KCNU1: variants seen among roughly 807,000 people sequenced by gnomAD.
The protein encoded by KCNU1 is potassium calcium-activated channel subfamily U member 1.
KCNU1 carries 93 observed loss-of-function variants against 126.8 expected under a neutral mutation model. The observed-to-expected ratio is 0.73, with a 90% CI of 0.62 to 0.87. KCNU1 has a LOEUF of 0.87. Among genes scored for constraint, KCNU1 ranks in the 40% least tolerant of loss-of-function variants. The pLI is 0.00. For missense variants in KCNU1, 1,330 were observed against 1,367.1 expected (o/e 0.97, Z 0.43); for synonymous variants, 523 against 494.2 (o/e 1.06, Z -0.77).
chr8:36,790,403 G>T (rs1233699661), intron 2 of KCNU1, among the ~76,000 whole-genome samples: 1 of 150,162 alleles, frequency 6.7e-6, no homozygotes, highest in Non-Finnish European at 1.5e-5. Flanking sequence ...AAGATAGTTA[G>T]AAATTAATGA....
intron 19 of KCNU1, among the ~76,000 whole-genome samples, chr8:36,881,725 C>G (rs1806485476): frequency 6.6e-6 from 1 of 151,690 alleles, no homozygotes; most frequent in Admixed American, 6.6e-5. Flanking sequence ...CACTTAATTT[C>G]TCTTCATCAT....
chr8:36,884,963 G>A (rs1306783210), intron 19 of KCNU1, among the ~76,000 whole-genome samples: 1 of 152,152 alleles, frequency 6.6e-6, no homozygotes, highest in Non-Finnish European at 1.5e-5. Context: ...ACTTTTCTTG[G>A]CCCATCAGTG....
intron 19 of KCNU1, among the ~76,000 whole-genome samples, chr8:36,901,499 T>C (rs558288446): frequency 6.6e-6 from 1 of 152,204 alleles, no homozygotes; most frequent in Admixed American, 6.5e-5. Context: ...AGGCAACACG[T>C]TCTGCTCATG....
chr8:36,903,302 T>C lies in KCNU1; in HGVS notation c.2010-2406T>C, dbSNP rs148967595. ...TTATGTTGAGGTCTGAGTTTGGGGG[T>C]GAGGCATTGAATAATAAACTGTATT... On this transcript the variant is annotated intron_variant, in intron 19 of 26. Transcript: ENST00000399881. Among the ~76,000 whole-genome samples, 242 of 152,170 alleles carry C rather than the reference T, an allele frequency of 1.6e-3. 1 individual carries two copies. Among genetic ancestry groups the C allele is most frequent in the African/African-American group, 5.2e-3 (215 of 41,524 alleles).
In KCNU1 at chr8:36,871,974, T is replaced by TAAG. The variant is rs765536426; in HGVS notation, c.2009+7453_2009+7454insAAG. On this transcript the variant is annotated intron_variant, in intron 19 of 26. Transcript: ENST00000399881. The stretch of plus-strand genomic sequence containing the variant: ...AAGGTTATGCGAAGCTTAGTCACTG[T>TAAG]TTCTAAGTAAAACTCTCTTCAAGGC... Among the ~76,000 whole-genome samples, 503 of 152,298 alleles carry TAAG rather than the reference T, an allele frequency of 3.3e-3. 4 individuals are homozygous for TAAG. Among genetic ancestry groups the TAAG allele is most frequent in the Non-Finnish European group, 6.1e-3 (412 of 68,028 alleles).
chr8:36,916,464 G>A (rs1585561028), intron 22 of KCNU1, among the ~76,000 whole-genome samples: 1 of 150,954 alleles, frequency 6.6e-6, no homozygotes, highest in South Asian at 2.1e-4. Flanking sequence ...AGGAGGGAAG[G>A]GAATAGAAGA....
chr8:36,836,773 T>C lies in KCNU1; in HGVS notation c.1366-20T>C. ...GTGTGTTTATTCCTAATGTTTGACC[T>C]GCTTTGTGCTATGGAACAGGTTTAT... is the stretch of plus-strand genomic sequence containing the variant. On this transcript the variant is annotated intron_variant, in intron 13 of 26. Coordinates refer to ENST00000399881, the MANE Select transcript of KCNU1 (RefSeq NM_001031836.3). 1 of 1,612,288 alleles carries C rather than the reference T, an allele frequency of 6.2e-7. No individual in the cohort carries two copies.
intron 18 of KCNU1, among the ~76,000 whole-genome samples, chr8:36,850,107 T>C (rs1307653298): frequency 1.3e-5 from 2 of 152,228 alleles, no homozygotes; most frequent in Non-Finnish European, 2.9e-5. Context: ...ACCATTTACA[T>C]ATCTTCTTTG....
intron 2 of KCNU1, among the ~76,000 whole-genome samples, chr8:36,790,138 T>A (rs1438107519): frequency 1.9e-4 from 29 of 152,130 alleles, no homozygotes; most frequent in Non-Finnish European, 2.9e-5. Flanking sequence ...ATGGTAGAAA[T>A]TAGGAATACA....
chr8:36,804,135 C>A, intron 3 of KCNU1, 47 bp downstream of exon 3: 1 of 1,312,562 alleles, frequency 7.6e-7, no homozygotes, highest in South Asian at 1.3e-5. Context: ...CAGTACATTG[C>A]TCGGCTAATT....
chr8:36,885,132 C>G (rs1392389827), intron 19 of KCNU1, among the ~76,000 whole-genome samples: 1 of 152,172 alleles, frequency 6.6e-6, no homozygotes, highest in Non-Finnish European at 1.5e-5. Flanking sequence ...GAATGAGAAA[C>G]TCCTGGGGGC....
At chr8:36,927,931 AGAGG>A (rs776836790) in intron 24 of KCNU1, among the ~76,000 whole-genome samples, 55 of 140,058 alleles carry the variant, frequency 3.9e-4, no homozygotes, top group Non-Finnish European at 7.3e-4. Context: ...AGAGAGAACT[AGAGG>A]GAGGGAGGGA....
chr8:36,789,751 G>A (rs1802839016), intron 2 of KCNU1, among the ~76,000 whole-genome samples: 1 of 152,190 alleles, frequency 6.6e-6, no homozygotes, highest in Admixed American at 6.5e-5. Flanking sequence ...CTCTAAAAAG[G>A]TAAGATTTGA....
intron 19 of KCNU1, among the ~76,000 whole-genome samples, chr8:36,894,633 T>A (rs1037270474): frequency 6.6e-6 from 1 of 152,110 alleles, no homozygotes; most frequent in South Asian, 2.1e-4. Context: ...TTAGTTATTA[T>A]TTATTCAAGG....
chr8:36,837,162 A>C (rs1804781498), intron 14 of KCNU1, among the ~76,000 whole-genome samples: 1 of 152,132 alleles, frequency 6.6e-6, no homozygotes, highest in African/African-American at 2.4e-5. Context: ...GCCTAAGAAT[A>C]TTTATCTACA....
chr8:36,935,691 GTCC>G lies in KCNU1; in HGVS notation c.3225_3227del (p.Pro1076del), dbSNP rs1808831978. On this transcript the variant is annotated inframe_deletion, in exon 27 of 27. Transcript: ENST00000399881. Reference sequence around the variant, plus strand: ...ACAGAGACACATTCAGACACAAATTGTCCTCCCACCATTGATTCAGTTACTGAG... The same window carrying G: ...ACAGAGACACATTCAGACACAAATTGTCCCACCATTGATTCAGTTACTGAG... 6 of 1,613,128 alleles carry G rather than the reference GTCC, an allele frequency of 3.7e-6. No homozygotes were observed. Among genetic ancestry groups the G allele is most frequent in the Non-Finnish European group, 5.1e-6 (6 of 1,179,454 alleles).
At chr8:36,797,627 G>A (rs1437873376) in intron 2 of KCNU1, among the ~76,000 whole-genome samples, 2 of 144,858 alleles carry the variant, frequency 1.4e-5, no homozygotes, top group African/African-American at 5.0e-5. Flanking sequence ...CTTTCTGAAT[G>A]TTTCTTCTTT....
intron 19 of KCNU1, among the ~76,000 whole-genome samples, chr8:36,874,518 A>G (rs1806211664): frequency 6.6e-6 from 1 of 152,074 alleles, no homozygotes; most frequent in African/African-American, 2.4e-5. Flanking sequence ...GTGATGTCCC[A>G]GGCACAGGTG....
intron 7 of KCNU1, among the ~76,000 whole-genome samples, chr8:36,812,422 A>T (rs1803757887): frequency 6.6e-6 from 1 of 151,634 alleles, no homozygotes; most frequent in African/African-American, 2.4e-5. Flanking sequence ...TACTGAATGG[A>T]TAAAAAATAG....
Sources: gnomAD v4.1 joint callset for allele counts (sites outside exome capture counted in the v4.1 genomes callset) on GRCh38, gnomAD v4.1.1 for gene constraint, MANE v1.5 for transcripts, NCBI Gene and HGNC (gene_info 2026-07-23, HGNC 2026-07-21) for gene names.